Variants in STAU1 observed in about 807,000 individuals in gnomAD.
STAU1 encodes the protein double-stranded RNA-binding protein Staufen homolog 1.
A neutral mutation model predicts 62.9 loss-of-function variants in STAU1; 13 were observed. That is an observed-to-expected ratio of 0.21 (90% confidence interval 0.13 to 0.33). STAU1 has a LOEUF of 0.33. Ranked by LOEUF, STAU1 falls within the 10% of genes least tolerant of loss-of-function variation. The probability of loss-of-function intolerance (pLI) is 1.00; values close to 1 mark genes in which losing one functional copy is unlikely to be tolerated. For missense variants in STAU1, 571 were observed against 712.1 expected, an observed-to-expected ratio of 0.80 and a Z score of 2.25; for synonymous variants, 269 against 265.1, an observed-to-expected ratio of 1.01 and a Z score of -0.14.
chr20:49,181,549 G>C (rs1486348942), intron 1 of STAU1, among the ~76,000 whole-genome samples: 1 of 152,056 alleles, frequency 6.6e-6, no homozygotes, highest in East Asian at 1.9e-4. Flanking sequence ...CGGATTGCCT[G>C]AGCTCAGGAG....
At chr20:49,218,565 C>CA in the STAU1 span, among the ~76,000 whole-genome samples, 43 of 109,172 alleles carry the variant, frequency 3.9e-4, no homozygotes, top group African/African-American at 7.1e-4. Flanking sequence ...AACAAACAAA[C>CA]AAAAAAAACA....
At chr20:49,212,615 A>ATTTTGTTTTTTTTTTTTTTTTTTTTTTT in the STAU1 span, among the ~76,000 whole-genome samples, 1 of 85,176 alleles carries the variant, frequency 1.2e-5, no homozygotes, top group Non-Finnish European at 2.2e-5. Flanking sequence ...AGCTATTGGA[A>ATTTTGTTTTTTTTTTTTTTTTTTTTTTT]TTTTTTTTTT....
chr20:49,123,846 A>T (rs1189950312), intron 7 of STAU1, among the ~76,000 whole-genome samples: 1 of 152,248 alleles, frequency 6.6e-6, no homozygotes, highest in East Asian at 1.9e-4. Flanking sequence ...ACATATACTG[A>T]AAATCACAAA....
intron 6 of STAU1, among the ~76,000 whole-genome samples, chr20:49,131,842 CA>C (rs56345924): frequency 0.073 from 8,781 of 121,070 alleles, 206 homozygotes; most frequent in South Asian, 0.13. Context: ...GGCTCCGTCA[CA>C]AAAAAAAAAA....
chr20:49,208,679 G>A, the STAU1 span, among the ~76,000 whole-genome samples: 1 of 151,456 alleles, frequency 6.6e-6, no homozygotes, highest in Non-Finnish European at 1.5e-5. Context: ...GAGTACAGTG[G>A]CGTGATCTCG....
the STAU1 span, among the ~76,000 whole-genome samples, chr20:49,194,439 AAAAAAAAAG>A: frequency 2.3e-3 from 350 of 150,188 alleles, 4 homozygotes; most frequent in Middle Eastern, 0.021. Context: ...CAAAAAAAAA[AAAAAAAAAG>A]AAAAGAAAAA....
rs1249382181 is a variant in STAU1 at position 49,114,771 on chromosome 20, T to A, written c.*107A>T. 2 of 1,039,468 alleles carry A rather than the reference T, an allele frequency of 1.9e-6. No homozygotes were observed. Among genetic ancestry groups the A allele is most frequent in the African/African-American group, 3.2e-5 (2 of 62,832 alleles). 64.4% of individuals were successfully genotyped at this position (1,039,468 alleles called of 1,614,324 possible). ...TGCTGCCCACATCCTTTACCCACCG[T>A]GTCTCTCGGCCCACTGGAGGTATCA... is the stretch of plus-strand genomic sequence containing the variant. On this transcript the variant is annotated 3_prime_UTR_variant, in exon 14 of 14. Coordinates refer to ENST00000371856, the MANE Select transcript of STAU1 (RefSeq NM_017453.4).
intron 10 of STAU1, 105 bp downstream of exon 10, chr20:49,118,228 C>T (rs2092378594): frequency 1.5e-6 from 2 of 1,379,166 alleles, no homozygotes; most frequent in Admixed American, 1.8e-5. Context: ...ATGATAAAGA[C>T]ACTTTGCATG....
At chr20:49,199,915 G>C in the STAU1 span, among the ~76,000 whole-genome samples, 1 of 151,964 alleles carries the variant, frequency 6.6e-6, no homozygotes, top group Non-Finnish European at 1.5e-5. Flanking sequence ...TCACTATATT[G>C]CCCAGGCTGG....
Position 49,181,763 on chromosome 20 carries a change from C to CAAAAAA in STAU1, c.-160+6352_-160+6353insTTTTTT, listed in dbSNP as rs1309573018. Among the ~76,000 whole-genome samples, 99 of 66,704 alleles carry CAAAAAA rather than the reference C, an allele frequency of 1.5e-3. 24 individuals are homozygous for CAAAAAA. Among genetic ancestry groups the CAAAAAA allele is most frequent in the Non-Finnish European group, 2.2e-3 (79 of 35,814 alleles). The allele number at this position is 66,704 out of a possible 152,430, so 43.8% of individuals were successfully genotyped here. A position where few individuals can be genotyped will look rare whatever the true frequency, so the allele number is the denominator to read the frequency against. On this transcript the variant is annotated intron_variant, in intron 1 of 13. Coordinates refer to ENST00000371856, the MANE Select transcript of STAU1 (RefSeq NM_017453.4). The stretch of plus-strand genomic sequence containing the variant: ...CCTGGGCAACAGAGCAAGACTATCT[C>CAAAAAA]AACAAAAAAAAAAAAAAAAAAAAAA...
chr20:49,178,909 T>A (rs1407576754), intron 1 of STAU1, among the ~76,000 whole-genome samples: 26 of 116,398 alleles, frequency 2.2e-4, no homozygotes, highest in East Asian at 5.2e-4. Context: ...CCGTCTCCAC[T>A]AAAAAAAAAA....
chr20:49,136,886 C>T (rs186869163), intron 5 of STAU1, among the ~76,000 whole-genome samples: 40 of 152,174 alleles, frequency 2.6e-4, no homozygotes, highest in African/African-American at 9.6e-4. Context: ...TTAGTAGATA[C>T]GGGGTTTCAC....
intron 8 of STAU1, among the ~76,000 whole-genome samples, chr20:49,121,161 C>T (rs577767086): frequency 6.6e-6 from 1 of 152,104 alleles, no homozygotes; most frequent in Non-Finnish European, 1.5e-5. Flanking sequence ...AATCCCAGCA[C>T]TTTGGGAGGC....
At chr20:49,165,920 A>C in intron 3 of STAU1, 77 bp downstream of exon 3, 4 of 1,482,838 alleles carry the variant, frequency 2.7e-6, no homozygotes, top group Non-Finnish European at 3.7e-6. Context: ...AGAGCTCCCT[A>C]AATCTGCAAC....
the STAU1 span, among the ~76,000 whole-genome samples, chr20:49,197,488 C>A: frequency 2.0e-5 from 3 of 151,522 alleles, no homozygotes; most frequent in South Asian, 6.2e-4. Context: ...TCCACCTCTG[C>A]CTGCCGGGTT....
chr20:49,136,478 A>G (rs1455954536), intron 5 of STAU1, among the ~76,000 whole-genome samples: 1 of 152,168 alleles, frequency 6.6e-6, no homozygotes, highest in Admixed American at 6.6e-5. Context: ...CACCAAAAAC[A>G]ATCCGCACAT....
the STAU1 span, among the ~76,000 whole-genome samples, chr20:49,203,685 T>C: frequency 6.6e-6 from 1 of 152,338 alleles, no homozygotes; most frequent in South Asian, 2.1e-4. Flanking sequence ...TATATTTTTA[T>C]TTTATTTATT....
intron 12 of STAU1, among the ~76,000 whole-genome samples, chr20:49,116,453 G>A (rs1011605690): frequency 2.6e-5 from 4 of 152,114 alleles, no homozygotes; most frequent in Non-Finnish European, 4.4e-5. Flanking sequence ...TCCTGCCTTG[G>A]CCTCCCAAGT....
At chr20:49,217,242 A>G in the STAU1 span, among the ~76,000 whole-genome samples, 225 of 152,272 alleles carry the variant, frequency 1.5e-3, no homozygotes, top group Non-Finnish European at 2.6e-3. Context: ...AAATAGAACA[A>G]GACCCAAGTT....
Sources: gnomAD v4.1 joint callset for allele counts (sites outside exome capture counted in the v4.1 genomes callset) on GRCh38, gnomAD v4.1.1 for gene constraint, MANE v1.5 for transcripts, NCBI Gene and HGNC (gene_info 2026-07-23, HGNC 2026-07-21) for gene names.